Variants in TTC7B observed in about 807,000 individuals in gnomAD.
TTC7B encodes tetratricopeptide repeat domain 7B.
TTC7B carries 28 observed loss-of-function variants against 106.8 expected under a neutral mutation model. The ratio of observed to expected loss-of-function variants is 0.26; its 90% CI spans 0.19 to 0.36. The LOEUF is 0.36. Ranked by LOEUF, TTC7B falls within the 10% of genes least tolerant of loss-of-function variation. TTC7B has a pLI of 1.00. For synonymous variants in TTC7B, 405 were observed against 430.6 expected, an observed-to-expected ratio of 0.94 and a Z score of 0.74; for missense variants, 862 against 1,076.4, an observed-to-expected ratio of 0.80 and a Z score of 2.79.
chr14:90,745,219 C>A (rs753276136), intron 3 of TTC7B, among the ~76,000 whole-genome samples: 15 of 150,970 alleles, frequency 9.9e-5, no homozygotes, highest in Non-Finnish European at 2.1e-4. Context: ...TCACTTGAGC[C>A]CAGGAGTTTG....
chr14:90,635,097 TG>T (rs1206776353), intron 15 of TTC7B, among the ~76,000 whole-genome samples: 1 of 152,124 alleles, frequency 6.6e-6, no homozygotes, highest in Non-Finnish European at 1.5e-5. Context: ...TGTGAGAAAA[TG>T]TTTGAGCCTA....
intron 1 of TTC7B, among the ~76,000 whole-genome samples, chr14:90,799,830 T>C (rs1217846595): frequency 6.6e-6 from 1 of 152,058 alleles, no homozygotes; most frequent in African/African-American, 2.4e-5. Flanking sequence ...TTTAAGTTTT[T>C]TTTGTTTGTT....
rs1344661500 is a variant in TTC7B at position 90,808,022 on chromosome 14, C to T, written c.121+8153G>A. ...AACTAGTTGGAAGTGGGCTAGAATCCAGTTCAATTAACGGCTCTAGCCTCA... is the reference window on the plus strand; with the variant it reads ...AACTAGTTGGAAGTGGGCTAGAATCTAGTTCAATTAACGGCTCTAGCCTCA... On this transcript the variant is annotated intron_variant, in intron 1 of 19. Coordinates refer to ENST00000328459, the MANE Select transcript of TTC7B (RefSeq NM_001010854.2). This position sits in a 1 kb window ranked among gnomAD's most constrained non-coding sequence, Gnocchi z 4.2. Among the ~76,000 whole-genome samples, 1 of 152,228 alleles carries T rather than the reference C, an allele frequency of 6.6e-6. No individual in the cohort carries two copies. Among genetic ancestry groups the T allele is most frequent in the African/African-American group, 2.4e-5 (1 of 41,454 alleles).
chr14:90,715,725 C>T (rs539595587), intron 5 of TTC7B, among the ~76,000 whole-genome samples: 2 of 152,240 alleles, frequency 1.3e-5, no homozygotes, highest in East Asian at 1.9e-4. Flanking sequence ...CTGCCTCTCA[C>T]GAGCACGTAA....
chr14:90,649,867 A>G (rs901235489), intron 13 of TTC7B, among the ~76,000 whole-genome samples: 1 of 152,206 alleles, frequency 6.6e-6, no homozygotes, highest in East Asian at 1.9e-4. Context: ...TCTGGGGAGC[A>G]TGGAGATGAA....
At chr14:90,795,945 T>C (rs562380748) in intron 1 of TTC7B, among the ~76,000 whole-genome samples, 2 of 152,138 alleles carry the variant, frequency 1.3e-5, no homozygotes, top group South Asian at 2.1e-4. Context: ...TAGGATGCTA[T>C]TATCATCTCC....
intron 5 of TTC7B, among the ~76,000 whole-genome samples, chr14:90,708,166 A>AAT (rs1566847921): frequency 3.3e-5 from 5 of 151,358 alleles, no homozygotes; most frequent in African/African-American, 1.2e-4. Context: ...AAAAAAAAAA[A>AAT]AAAAGTGCAA....
rs1206752345 is a variant in TTC7B at position 90,742,085 on chromosome 14, T to G, written c.576+2707A>C. 6.6e-6 allele frequency among the ~76,000 whole-genome samples: 1 copy of G among 152,118 alleles called. No homozygotes were observed. The highest frequency in any genetic ancestry group is 1.5e-5 in the Non-Finnish European group (1 of 68,022). On this transcript the variant is annotated intron_variant, in intron 4 of 19. Transcript: ENST00000328459. This position sits in a 1 kb window ranked among gnomAD's most constrained non-coding sequence, Gnocchi z 4.1. ...AATAAAACATATTTATTGACTTTTT[T>G]TTTTAAGTGCAGTGGTACAATCATA...
intron 3 of TTC7B, among the ~76,000 whole-genome samples, chr14:90,761,727 G>C (rs903238778): frequency 3.3e-5 from 5 of 152,138 alleles, no homozygotes; most frequent in Admixed American, 6.5e-5. Flanking sequence ...TGCCCAGTGA[G>C]CTAAGCTAAA....
chr14:90,766,409 G>C, intron 3 of TTC7B: 1 of 523,464 alleles, frequency 1.9e-6, no homozygotes. Context: ...AAGATGTGGT[G>C]AAAGTCAAGA....
chr14:90,545,379 C>T (rs1889784811), intron 19 of TTC7B, among the ~76,000 whole-genome samples: 1 of 152,216 alleles, frequency 6.6e-6, no homozygotes, highest in South Asian at 2.1e-4. Context: ...TTTATTGCTC[C>T]TTCCCATGTT....
At position 90,606,394 on chromosome 14, in the gene TTC7B, C is replaced by T. The variant is rs528776318; in HGVS notation, c.1966+4348G>A. On this transcript the variant is annotated intron_variant, in intron 17 of 19. Transcript: ENST00000328459. ...CGCTGCAATTAGAAATTTTCCCAAA[C>T]AAAGTGGATCAAACTTTCAAGTTAA... 5.3e-5 allele frequency among the ~76,000 whole-genome samples: 8 copies of T among 152,252 alleles called. No homozygotes were observed. In the South Asian group the frequency reaches 1.7e-3, roughly 32 times the overall value.
chr14:90,630,073 G>A (rs575520269), intron 15 of TTC7B, among the ~76,000 whole-genome samples: 3 of 152,330 alleles, frequency 2.0e-5, no homozygotes, highest in East Asian at 1.9e-4. Flanking sequence ...CTCCAACCCC[G>A]GAGAAAGGAG....
intron 19 of TTC7B, among the ~76,000 whole-genome samples, chr14:90,573,854 T>C (rs184819714): frequency 1.4e-3 from 216 of 152,362 alleles, no homozygotes; most frequent in African/African-American, 4.9e-3. Context: ...ATTTGTTCCC[T>C]AGCAATACTT....
At chr14:90,695,164 C>T (rs1396467522) in intron 6 of TTC7B, among the ~76,000 whole-genome samples, 2 of 121,338 alleles carry the variant, frequency 1.6e-5, no homozygotes, top group African/African-American at 6.3e-5. Flanking sequence ...AATAAATATA[C>T]ATATAAAATA....
intron 3 of TTC7B, among the ~76,000 whole-genome samples, chr14:90,761,169 T>G (rs916340643): frequency 7.0e-5 from 8 of 114,500 alleles, no homozygotes; most frequent in Non-Finnish European, 3.3e-5. Flanking sequence ...AAAACTCAAC[T>G]GCCAATGAAG....
chr14:90,594,641 A>G (rs1892127811), intron 17 of TTC7B, among the ~76,000 whole-genome samples: 1 of 152,248 alleles, frequency 6.6e-6, no homozygotes, highest in South Asian at 2.1e-4. Flanking sequence ...GGAGATAAAC[A>G]TACCAACATT....
intron 3 of TTC7B, among the ~76,000 whole-genome samples, chr14:90,777,711 C>G (rs566462431): frequency 5.3e-5 from 8 of 152,260 alleles, no homozygotes; most frequent in Admixed American, 5.2e-4. Context: ...GAAAGAAGGG[C>G]CAAGAATATT....
intron 5 of TTC7B, among the ~76,000 whole-genome samples, chr14:90,703,148 G>A (rs1742095): frequency 0.32 from 49,183 of 152,070 alleles, 8,317 homozygotes; most frequent in Middle Eastern, 0.38. Context: ...CGGGGTCCCC[G>A]TCAGCCTGCT....
Sources: allele counts gnomAD v4.1 joint callset (sites outside exome capture counted in the v4.1 genomes callset), GRCh38; gene constraint gnomAD v4.1.1; non-coding constraint Gnocchi (gnomAD v3.1); transcripts MANE v1.5; gene names NCBI Gene and HGNC (gene_info 2026-07-23, HGNC 2026-07-21).